KIAA0825: variants seen among roughly 807,000 people sequenced by gnomAD.
The protein encoded by KIAA0825 is KIAA0825.
Under a neutral mutation model 147.6 loss-of-function variants are expected in KIAA0825, and 119 were observed. That is an observed-to-expected ratio of 0.81 (90% CI 0.69 to 0.94). The LOEUF (loss-of-function observed/expected upper bound fraction) is 0.94. Among genes scored for constraint, KIAA0825 ranks in the 40% least tolerant of loss-of-function variants. The pLI is 0.00. For synonymous variants in KIAA0825, 470 were observed against 518.1 expected (o/e 0.91, Z 1.26); for missense variants, 1,381 against 1,472.7 (o/e 0.94, Z 1.02).
intron 2 of KIAA0825, among the ~76,000 whole-genome samples, chr5:94,575,664 T>A (rs750353792): frequency 6.6e-6 from 1 of 152,242 alleles, no homozygotes; most frequent in Admixed American, 6.5e-5. Flanking sequence ...AGACCAATTA[T>A]GACAGTAGTG....
At chr5:94,345,343 T>C (rs1163898453) in intron 20 of KIAA0825, among the ~76,000 whole-genome samples, 3 of 152,116 alleles carry the variant, frequency 2.0e-5, no homozygotes, top group Non-Finnish European at 2.9e-5. Context: ...ACATATATGT[T>C]ATGTTCCTAG....
At chr5:94,367,769 C>CATAA in intron 20 of KIAA0825, among the ~76,000 whole-genome samples, 1 of 152,218 alleles carries the variant, frequency 6.6e-6, no homozygotes, top group East Asian at 1.9e-4. Context: ...AGCTCTTATC[C>CATAA]CTTTGATACT....
chr5:94,234,260 A>G (rs1376081575), intron 20 of KIAA0825, among the ~76,000 whole-genome samples: 1 of 151,972 alleles, frequency 6.6e-6, no homozygotes, highest in Admixed American at 6.5e-5. Flanking sequence ...AGTCCCAGCT[A>G]CGCGGGAGGC....
chr5:94,346,626 C>G (rs898224731), intron 20 of KIAA0825, among the ~76,000 whole-genome samples: 40 of 152,062 alleles, frequency 2.6e-4, no homozygotes, highest in African/African-American at 8.5e-4. Context: ...TTTGGAGAGC[C>G]GAGCGAAATA....
At chr5:94,232,163 G>T (rs145279184) in intron 20 of KIAA0825, among the ~76,000 whole-genome samples, 126 of 152,186 alleles carry the variant, frequency 8.3e-4, no homozygotes, top group African/African-American at 2.9e-3. Context: ...GGTACATTAG[G>T]TATCAGACAA....
chr5:94,192,298 T>C (rs2150003230), intron 20 of KIAA0825, among the ~76,000 whole-genome samples: 1 of 152,344 alleles, frequency 6.6e-6, no homozygotes, highest in East Asian at 1.9e-4. Flanking sequence ...TATTCTTGGC[T>C]TCATTCATGT....
In KIAA0825 at chr5:94,152,848, AAAAAAAATTATATATATATATATATATAT is replaced by A. The variant is rs1766633130; in HGVS notation, c.*1130_*1158del. 7.6e-5 allele frequency: 2 copies of A among 26,178 alleles called. No individual in the cohort carries two copies. The highest frequency in any genetic ancestry group is 2.7e-4 in the African/African-American group (2 of 7,478). 1.6% of individuals were successfully genotyped at this position (26,178 alleles called of 1,614,324 possible). On this transcript the variant is annotated 3_prime_UTR_variant, in exon 21 of 21. Coordinates refer to ENST00000682413, the MANE Select transcript of KIAA0825 (RefSeq NM_001145678.3). Reference sequence around the variant, plus strand: ...AAAAAAAAAAAAAAAAAAAAAAAAAAAAAAAAATTATATATATATATATATATATATATATATATATATATATATATATA... The same window carrying A: ...AAAAAAAAAAAAAAAAAAAAAAAAAAATATATATATATATATATATATATA...
rs540914358 is a variant in KIAA0825, at chr5:94,598,169, AAC to A, written c.-152-15588_-152-15587del. ...AATTATTTTTTTACTTTTGTGTAAT[AAC>A]AGTTAGCATAAAACACAATGTACAA... On this transcript the variant is annotated intron_variant, in intron 1 of 20. Coordinates refer to ENST00000682413, the MANE Select transcript of KIAA0825 (RefSeq NM_001145678.3). 4.4e-4 allele frequency among the ~76,000 whole-genome samples: 67 copies of A among 152,166 alleles called. 1 individual carries two copies. Among genetic ancestry groups the A allele is most frequent in the Non-Finnish European group, 7.5e-4 (51 of 67,966 alleles).
chr5:94,529,657 A>T (rs1018106962), intron 3 of KIAA0825, among the ~76,000 whole-genome samples: 3 of 152,176 alleles, frequency 2.0e-5, no homozygotes, highest in African/African-American at 7.2e-5. Flanking sequence ...AGAGGAATGG[A>T]GAAAGTTTTC....
intron 20 of KIAA0825, among the ~76,000 whole-genome samples, chr5:94,185,024 G>C (rs1012569332): frequency 2.6e-5 from 4 of 152,156 alleles, no homozygotes; most frequent in Non-Finnish European, 5.9e-5. Context: ...TTACCAATCT[G>C]ATAGCTCATC....
chr5:94,594,497 T>A (rs1784912629), intron 1 of KIAA0825: 2 of 747,050 alleles, frequency 2.7e-6, no homozygotes, highest in African/African-American at 3.4e-5. Flanking sequence ...GAAGCCATAA[T>A]ATAACATTGG....
intron 20 of KIAA0825, among the ~76,000 whole-genome samples, chr5:94,214,042 A>T (rs1388917173): frequency 3.9e-5 from 6 of 152,156 alleles, no homozygotes; most frequent in Non-Finnish European, 5.9e-5. Flanking sequence ...CATTTTTTAG[A>T]GATGGAGTCT....
intron 5 of KIAA0825, among the ~76,000 whole-genome samples, chr5:94,515,791 C>CAAAAAAAAAAAAAAAAAAAAAAAA (rs754577018): frequency 1.1e-5 from 1 of 93,650 alleles, no homozygotes; most frequent in African/African-American, 4.2e-5. Flanking sequence ...GACTCTGTCT[C>CAAAAAAAAAAAAAAAAAAAAAAAA]AAAAAAAAAA....
chr5:94,168,807 C>G (rs1056540633), intron 20 of KIAA0825, among the ~76,000 whole-genome samples: 4 of 152,046 alleles, frequency 2.6e-5, no homozygotes, highest in Non-Finnish European at 5.9e-5. Context: ...TTTAATGAAT[C>G]AAAAGAAAAG....
intron 20 of KIAA0825, among the ~76,000 whole-genome samples, chr5:94,243,143 G>A (rs1775439032): frequency 6.6e-6 from 1 of 152,152 alleles, no homozygotes; most frequent in Non-Finnish European, 1.5e-5. Context: ...TGTTAAATCA[G>A]CTAATGCATG....
At chr5:94,367,451 T>C (rs1746030221) in intron 20 of KIAA0825, among the ~76,000 whole-genome samples, 1 of 151,784 alleles carries the variant, frequency 6.6e-6, no homozygotes, top group African/African-American at 2.4e-5. Flanking sequence ...TGAGCCAAGA[T>C]GGCACCATTG....
intron 20 of KIAA0825, among the ~76,000 whole-genome samples, chr5:94,378,143 A>G (rs1237714395): frequency 1.3e-5 from 2 of 152,164 alleles, no homozygotes; most frequent in Admixed American, 6.5e-5. Flanking sequence ...ATACATGTGC[A>G]GGTTTGTCAT....
At chr5:94,282,690 C>T (rs982497908) in intron 20 of KIAA0825, among the ~76,000 whole-genome samples, 1 of 151,960 alleles carries the variant, frequency 6.6e-6, no homozygotes, top group African/African-American at 2.4e-5. Context: ...TCCTCAAGAC[C>T]AAGTTGCTTT....
At chr5:94,291,086 C>T (rs1473809493) in intron 20 of KIAA0825, among the ~76,000 whole-genome samples, 1 of 152,140 alleles carries the variant, frequency 6.6e-6, no homozygotes, top group Non-Finnish European at 1.5e-5. Context: ...TGTAGGTTGC[C>T]TGTTCACTCT....
Sources: gnomAD v4.1 joint callset for allele counts (sites outside exome capture counted in the v4.1 genomes callset) on GRCh38, gnomAD v4.1.1 for gene constraint, MANE v1.5 for transcripts, NCBI Gene and HGNC (gene_info 2026-07-23, HGNC 2026-07-21) for gene names.